Variants in FAM171A1 observed in about 807,000 individuals in gnomAD.
FAM171A1 encodes family with sequence similarity 171 member A1, also known as protein FAM171A1.
A neutral mutation model predicts 74.9 loss-of-function variants in FAM171A1; 23 were observed. The observed-to-expected ratio is 0.31, with a 90% CI of 0.22 to 0.44. FAM171A1 has a LOEUF of 0.44. Among genes scored for constraint, FAM171A1 ranks in the 20% least tolerant of loss-of-function variants. The pLI is 1.00. For missense variants in FAM171A1, 1,162 were observed against 1,159.2 expected, an observed-to-expected ratio of 1.00 and a Z score of -0.03; for synonymous variants, 527 against 505.7, an observed-to-expected ratio of 1.04 and a Z score of -0.57.
chr10:15,250,222 C>T (rs994454863), intron 4 of FAM171A1, among the ~76,000 whole-genome samples: 2 of 152,094 alleles, frequency 1.3e-5, no homozygotes, highest in African/African-American at 4.8e-5. Context: ...ATGGAGATTT[C>T]GTGGAAAGAT....
At chr10:15,307,165 C>T (rs984172113) in intron 1 of FAM171A1, among the ~76,000 whole-genome samples, 2 of 152,168 alleles carry the variant, frequency 1.3e-5, no homozygotes, top group South Asian at 4.1e-4. Flanking sequence ...ATTTGTTTTT[C>T]AGAAAGTTGG....
intron 7 of FAM171A1, 56 bp from the exon 8 acceptor site, chr10:15,214,657 G>C (rs1222605766): frequency 8.7e-6 from 13 of 1,491,672 alleles, no homozygotes; most frequent in Non-Finnish European, 1.2e-5. Context: ...CAATGAAAAA[G>C]TTTCAAGTTT....
At chr10:15,216,723 G>A (rs1433212711) in intron 6 of FAM171A1, among the ~76,000 whole-genome samples, 1 of 151,598 alleles carries the variant, frequency 6.6e-6, no homozygotes, top group Admixed American at 6.6e-5. Context: ...ATGAGCCACT[G>A]TGCCCAGCCA....
chr10:15,353,198 C>T (rs1835898862), intron 1 of FAM171A1, among the ~76,000 whole-genome samples: 1 of 152,266 alleles, frequency 6.6e-6, no homozygotes, highest in Middle Eastern at 3.4e-3. Context: ...GTGAAAAACC[C>T]TGTTCTAAAG....
At position 15,212,647 on chromosome 10, in the gene FAM171A1, G is replaced by A. The variant is rs549422572; in HGVS notation, c.*268C>T. Reference sequence around the variant, plus strand: ...GTGCGGTTTCTTAATGTCCCTGGTGGCGGATACGCCGAGTCCTCGGAAGGA... The same window carrying A: ...GTGCGGTTTCTTAATGTCCCTGGTGACGGATACGCCGAGTCCTCGGAAGGA... On this transcript the variant is annotated 3_prime_UTR_variant, in exon 8 of 8. Transcript: ENST00000378116. 1.6e-5 allele frequency: 8 copies of A among 504,020 alleles called. No homozygotes were observed. In the East Asian group the frequency reaches 2.9e-4, roughly 18 times the overall value. The allele number at this position is 504,020 out of a possible 1,614,324, so 31.2% of individuals were successfully genotyped here. A position where few individuals can be genotyped will look rare whatever the true frequency, so the allele number is the denominator to read the frequency against.
intron 1 of FAM171A1, among the ~76,000 whole-genome samples, chr10:15,327,743 G>T (rs1382739791): frequency 1.3e-5 from 2 of 152,024 alleles, no homozygotes; most frequent in Non-Finnish European, 2.9e-5. Context: ...ACATAAAGAA[G>T]GAAATAACAG....
chr10:15,310,807 A>C (rs968223118), intron 1 of FAM171A1, among the ~76,000 whole-genome samples: 1 of 151,654 alleles, frequency 6.6e-6, no homozygotes, highest in Non-Finnish European at 1.5e-5. Flanking sequence ...GTCGCAGTGC[A>C]TGACAGAGCG....
intron 5 of FAM171A1, 104 bp from the exon 6 acceptor site, chr10:15,221,164 A>G: frequency 1.0e-6 from 1 of 990,594 alleles, no homozygotes; most frequent in Non-Finnish European, 1.5e-6. Flanking sequence ...TGTCATGTTT[A>G]TGACCTATAA....
intron 3 of FAM171A1, among the ~76,000 whole-genome samples, chr10:15,272,796 G>A (rs1361893684): frequency 6.6e-6 from 1 of 152,082 alleles, no homozygotes; most frequent in African/African-American, 2.4e-5. Flanking sequence ...ATGACTACTG[G>A]GTACATAACG....
At chr10:15,278,485 A>G (rs1475425340) in intron 2 of FAM171A1, among the ~76,000 whole-genome samples, 1 of 152,232 alleles carries the variant, frequency 6.6e-6, no homozygotes, top group African/African-American at 2.4e-5. Flanking sequence ...ACAGCCGAAA[A>G]GCGGAGACAA....
At chr10:15,229,786 C>T (rs147643268) in intron 5 of FAM171A1, among the ~76,000 whole-genome samples, 1,103 of 8,728 alleles carry the variant, frequency 0.13, 9 homozygotes, top group Admixed American at 0.19. Flanking sequence ...ATCACCATCA[C>T]CACCATCACC....
chr10:15,352,509 T>C (rs1465728459), intron 1 of FAM171A1, among the ~76,000 whole-genome samples: 3 of 152,246 alleles, frequency 2.0e-5, no homozygotes, highest in Non-Finnish European at 4.4e-5. Context: ...ATGTATTGAT[T>C]TAGAATGCCT....
intron 1 of FAM171A1, among the ~76,000 whole-genome samples, chr10:15,290,972 T>C (rs1835095716): frequency 6.6e-6 from 1 of 151,756 alleles, no homozygotes; most frequent in African/African-American, 2.4e-5. Flanking sequence ...CACCTCAGCA[T>C]CCCAAGTAGC....
intron 1 of FAM171A1, among the ~76,000 whole-genome samples, chr10:15,328,346 A>C (rs1480942832): frequency 6.6e-6 from 1 of 152,098 alleles, no homozygotes; most frequent in Non-Finnish European, 1.5e-5. Flanking sequence ...GGGTTTCACC[A>C]TGTTGGGAAG....
intron 5 of FAM171A1, among the ~76,000 whole-genome samples, chr10:15,237,926 C>T (rs192366133): frequency 2.0e-5 from 3 of 152,272 alleles, no homozygotes; most frequent in East Asian, 3.9e-4. Context: ...GTAAAAAGGC[C>T]TATTTCCAAT....
chr10:15,238,153 C>A (rs57058388), intron 5 of FAM171A1, among the ~76,000 whole-genome samples: 40,949 of 152,176 alleles, frequency 0.27, 6,768 homozygotes, highest in South Asian at 0.44. Flanking sequence ...ACTGTTTATC[C>A]CTATAATCCA....
chr10:15,288,159 AT>A (rs1218839168), intron 1 of FAM171A1, among the ~76,000 whole-genome samples: 1 of 152,144 alleles, frequency 6.6e-6, no homozygotes, highest in East Asian at 1.9e-4. Flanking sequence ...TTATCCACTC[AT>A]TGACTGACGG....
chr10:15,236,466 G>T (rs985725316), intron 5 of FAM171A1, among the ~76,000 whole-genome samples: 9 of 151,836 alleles, frequency 5.9e-5, no homozygotes, highest in African/African-American at 1.9e-4. Flanking sequence ...TTTTATAGAG[G>T]AGAAAACTGA....
chr10:15,266,772 G>C (rs936259779), intron 3 of FAM171A1, among the ~76,000 whole-genome samples: 1 of 151,820 alleles, frequency 6.6e-6, no homozygotes, highest in African/African-American at 2.4e-5. Context: ...AGGAGGCTGA[G>C]GTGAAAGGAT....
Sources: allele counts gnomAD v4.1 joint callset (sites outside exome capture counted in the v4.1 genomes callset), GRCh38; gene constraint gnomAD v4.1.1; transcripts MANE v1.5; gene names NCBI Gene and HGNC (gene_info 2026-07-23, HGNC 2026-07-21).